The following ASTN2 variants were observed in gnomAD, a reference collection of about 807,000 sequenced individuals.
ASTN2 encodes astrotactin 2, also known as astrotactin-2.
Under a neutral mutation model 139.8 loss-of-function variants are expected in ASTN2, and 54 were observed. That is an observed-to-expected ratio of 0.39 (90% confidence interval 0.31 to 0.48). The LOEUF (loss-of-function observed/expected upper bound fraction) is 0.48, where lower values mean the gene tolerates loss of function less well. Among genes scored for constraint, ASTN2 ranks in the 20% least tolerant of loss-of-function variants. The pLI is 0.95. For missense variants in ASTN2, 1,565 were observed against 1,725.1 expected (o/e 0.91, Z 1.64); for synonymous variants, 756 against 719.5 (o/e 1.05, Z -0.81).
rs558392405 is a variant in ASTN2 at position 116,425,945 on chromosome 9, A to G, written c.3926T>C (p.Val1309Ala). 2 of 1,614,000 alleles carry G rather than the reference A, an allele frequency of 1.2e-6. No homozygotes were observed. Among genetic ancestry groups the G allele is most frequent in the Non-Finnish European group, 1.7e-6 (2 of 1,180,002 alleles). ...GGTGTCCTTGAGGATGCTATACCAC[A>G]CCATGCCTGCAGGCCGGACCTCCTC... ...RSEEVRPAGM[V>A]WYSILKDTKI... The change falls in exon 23 of 23, where the codon GTG becomes GCG. Residue 1309 changes from valine (V) to alanine (A), a missense_variant. Physicochemically the swap from Val to Ala is moderately conservative, Grantham distance 64. Around this residue, in one of 4 missense-constraint regions of ASTN2, gnomAD observed 418 missense variants for 465.8 expected, o/e 0.90. Transcript: ENST00000313400.
In ASTN2 at chr9:117,045,991, CGTAT is replaced by C. The variant is rs57186974; in HGVS notation, c.1277-6030_1277-6027del. On this transcript the variant is annotated intron_variant, in intron 5 of 22. Transcript: ENST00000313400. ...ATGTATGTATGTATGTACGTACGTA[CGTAT>C]GTATGTATGTATGTATGTATGTATG... is the stretch of plus-strand genomic sequence containing the variant. Among the ~76,000 whole-genome samples, 273 of 143,046 alleles carry C rather than the reference CGTAT, an allele frequency of 1.9e-3. 1 individual carries two copies. The highest frequency in any genetic ancestry group is 0.015 in the East Asian group (69 of 4,712). 93.8% of individuals were successfully genotyped at this position (143,046 alleles called of 152,430 possible).
At chr9:117,007,500 C>T (rs982987297) in intron 7 of ASTN2, among the ~76,000 whole-genome samples, 2 of 152,204 alleles carry the variant, frequency 1.3e-5, no homozygotes, top group African/African-American at 4.8e-5. Context: ...TAAAATGCCA[C>T]ATGTAGCTAG....
At chr9:116,854,190 A>G (rs989464112) in intron 11 of ASTN2, among the ~76,000 whole-genome samples, 1 of 152,176 alleles carries the variant, frequency 6.6e-6, no homozygotes, top group East Asian at 1.9e-4. Context: ...GCCTTGAATC[A>G]TAGCAAGCAT....
intron 4 of ASTN2, among the ~76,000 whole-genome samples, chr9:117,098,787 A>G (rs931657265): frequency 6.6e-6 from 1 of 151,740 alleles, no homozygotes; most frequent in African/African-American, 2.4e-5. Context: ...TTAAAAAAAA[A>G]AAAAAGAAGA....
intron 10 of ASTN2, 66 bp from the exon 11 acceptor site, chr9:116,863,799 T>C (rs1832954125): frequency 1.4e-6 from 2 of 1,449,724 alleles, no homozygotes; most frequent in African/African-American, 2.8e-5. Context: ...AAAATAATAA[T>C]GTGAATTCAT....
At position 116,743,619 on chromosome 9, in the gene ASTN2, C is replaced by T. The variant is rs748904747; in HGVS notation, c.2397-10096G>A. Among the ~76,000 whole-genome samples the T allele has an allele frequency of 1.2e-4, 18 of 152,034 alleles. No individual in the cohort carries two copies. In the East Asian group the frequency reaches 1.9e-3, roughly 16 times the overall value. ...CTCCATCTCCCGGGTTCAAGCGATT[C>T]GCCTGCCTCCCGAGTAGCTGGGATT... On this transcript the variant is annotated intron_variant, in intron 13 of 22. Transcript: ENST00000313400.
chr9:116,981,768 T>C (rs1236012357), intron 7 of ASTN2, among the ~76,000 whole-genome samples: 1 of 152,188 alleles, frequency 6.6e-6, no homozygotes, highest in Non-Finnish European at 1.5e-5. Flanking sequence ...AACAGTAAAA[T>C]GAATTTGAAA....
At chr9:117,176,410 T>C (rs555303899) in intron 3 of ASTN2, among the ~76,000 whole-genome samples, 1 of 152,326 alleles carries the variant, frequency 6.6e-6, no homozygotes, top group Non-Finnish European at 1.5e-5. Context: ...CTATGTGTAA[T>C]TTAACATTTT....
chr9:116,702,350 T>C (rs888759509), intron 16 of ASTN2, among the ~76,000 whole-genome samples: 1 of 152,152 alleles, frequency 6.6e-6, no homozygotes, highest in African/African-American at 2.4e-5. Flanking sequence ...AAACAGTTCC[T>C]TTCTTCTTGC....
At chr9:116,553,467 T>C (rs961077967) in intron 19 of ASTN2, among the ~76,000 whole-genome samples, 10 of 152,216 alleles carry the variant, frequency 6.6e-5, no homozygotes, top group African/African-American at 2.4e-4. Context: ...GCAGATATTT[T>C]CTGCACAGAA....
At chr9:116,946,935 T>TTAAA (rs1554764001) in intron 10 of ASTN2, among the ~76,000 whole-genome samples, 1 of 10,808 alleles carries the variant, frequency 9.3e-5, no homozygotes, top group Non-Finnish European at 2.5e-4. Flanking sequence ...CACATTTTTG[T>TTAAA]CAAAAAAAAA....
intron 10 of ASTN2, among the ~76,000 whole-genome samples, chr9:116,869,572 T>C (rs1833102914): frequency 6.6e-6 from 1 of 152,154 alleles, no homozygotes; most frequent in African/African-American, 2.4e-5. Flanking sequence ...TGCCTTTATT[T>C]GGGAGGAGAA....
rs141786078 is a variant in ASTN2 at position 117,218,935 on chromosome 9, C to T, written c.631-4193G>A. ...GAAGTGAGATGTGAACTAATGGACACGGGATACTTTGCTTAGTGCCTGGCA... is the reference window on the plus strand; with the variant it reads ...GAAGTGAGATGTGAACTAATGGACATGGGATACTTTGCTTAGTGCCTGGCA... On this transcript the variant is annotated intron_variant, in intron 2 of 22. Coordinates refer to ENST00000313400, the MANE Select transcript of ASTN2 (RefSeq NM_001365068.1). Among the ~76,000 whole-genome samples the T allele has an allele frequency of 2.1e-3, 322 of 152,264 alleles. 3 individuals carry two copies. The highest frequency in any genetic ancestry group is 7.4e-3 in the African/African-American group (307 of 41,554).
At chr9:116,998,211 G>T (rs1837077697) in intron 7 of ASTN2, among the ~76,000 whole-genome samples, 1 of 152,102 alleles carries the variant, frequency 6.6e-6, no homozygotes, top group Non-Finnish European at 1.5e-5. Context: ...GTGGTGAGGT[G>T]GAGAGCAATA....
At chr9:116,657,374 C>T (rs772923443) in intron 16 of ASTN2, among the ~76,000 whole-genome samples, 1 of 152,186 alleles carries the variant, frequency 6.6e-6, no homozygotes, top group South Asian at 2.1e-4. Context: ...CTGTAGTTGT[C>T]ATAATTACAT....
intron 2 of ASTN2, among the ~76,000 whole-genome samples, chr9:117,272,720 G>T (rs956337997): frequency 3.9e-5 from 6 of 152,156 alleles, no homozygotes; most frequent in Admixed American, 6.5e-5. Context: ...AATGCTGCCA[G>T]TCTCTTCACT....
chr9:117,192,196 G>A (rs373277261), intron 3 of ASTN2, among the ~76,000 whole-genome samples: 1 of 152,234 alleles, frequency 6.6e-6, no homozygotes, highest in East Asian at 1.9e-4. Flanking sequence ...GCTTTGCAGA[G>A]CCTAGGCATT....
intron 6 of ASTN2, among the ~76,000 whole-genome samples, chr9:117,021,979 C>A (rs1327182721): frequency 6.6e-6 from 1 of 152,032 alleles, no homozygotes; most frequent in African/African-American, 2.4e-5. Flanking sequence ...CAAAAACAAA[C>A]ACAATAACCA....
intron 5 of ASTN2, among the ~76,000 whole-genome samples, chr9:117,077,702 A>G (rs1828317349): frequency 1.3e-5 from 2 of 152,120 alleles, no homozygotes; most frequent in Non-Finnish European, 2.9e-5. Flanking sequence ...GAGCTAAGAT[A>G]GTGCCACTGC....
Sources: allele counts gnomAD v4.1 joint callset (sites outside exome capture counted in the v4.1 genomes callset), GRCh38; gene constraint gnomAD v4.1.1; regional missense constraint gnomAD v4.1.1; transcripts MANE v1.5; gene names NCBI Gene and HGNC (gene_info 2026-07-23, HGNC 2026-07-21).